The following DOK6 variants were observed in gnomAD, a reference collection of about 807,000 sequenced individuals.
The protein encoded by DOK6 is docking protein 6, also known as downstream of tyrosine kinase 6.
DOK6 carries 22 observed loss-of-function variants against 44.0 expected under a neutral mutation model. The ratio of observed to expected loss-of-function variants is 0.50; its 90% CI spans 0.36 to 0.71. The LOEUF (loss-of-function observed/expected upper bound fraction) is 0.71. Ranked by LOEUF, DOK6 falls within the 30% of genes least tolerant of loss-of-function variation. DOK6 has a pLI of 0.00. For synonymous variants in DOK6, 166 were observed against 145.5 expected, an observed-to-expected ratio of 1.14 and a Z score of -1.01; for missense variants, 340 against 416.4, an observed-to-expected ratio of 0.82 and a Z score of 1.60.
chr18:69,496,010 G>A (rs142366368), intron 1 of DOK6, among the ~76,000 whole-genome samples: 395 of 152,300 alleles, frequency 2.6e-3, no homozygotes, highest in African/African-American at 8.8e-3. Flanking sequence ...CTTGCGGGGG[G>A]AGATGCCTGA....
chr18:69,719,343 C>T (rs1448153377), intron 5 of DOK6, among the ~76,000 whole-genome samples: 1 of 152,164 alleles, frequency 6.6e-6, no homozygotes, highest in African/African-American at 2.4e-5. Context: ...GAGCAAGTTC[C>T]TTGGTATGAG....
chr18:69,609,372 CA>C (rs1984080404), intron 3 of DOK6, among the ~76,000 whole-genome samples: 1 of 151,954 alleles, frequency 6.6e-6, no homozygotes, highest in Non-Finnish European at 1.5e-5. Context: ...TGCAGATGGT[CA>C]ACAGGTGTAT....
chr18:69,553,799 C>A (rs529886808), intron 1 of DOK6, among the ~76,000 whole-genome samples: 1 of 152,294 alleles, frequency 6.6e-6, no homozygotes, highest in East Asian at 1.9e-4. Context: ...GATGTTGGGG[C>A]TCCTTAGAAA....
chr18:69,492,398 A>G (rs1266236743), intron 1 of DOK6, among the ~76,000 whole-genome samples: 1 of 151,922 alleles, frequency 6.6e-6, no homozygotes, highest in African/African-American at 2.4e-5. Context: ...AATTTATTTT[A>G]TTTTATCTTA....
chr18:69,564,684 C>CA lies in DOK6; in HGVS notation c.174+95dup. On this transcript the variant is annotated intron_variant, in intron 2 of 7. Transcript: ENST00000382713. ...CTTTGATAAATGAAATCTTCAGTGG[C>CA]AAAAATTAATGGCTTGGGAAAAATG... The CA allele has an allele frequency of 4.0e-6, 4 of 1,008,392 alleles. No homozygotes were observed. In the East Asian group the frequency reaches 1.1e-4, roughly 28 times the overall value. 62.5% of individuals were successfully genotyped at this position (1,008,392 alleles called of 1,614,324 possible). A position where few individuals can be genotyped will look rare whatever the true frequency, so the allele number is the denominator to read the frequency against.
chr18:69,763,668 T>C (rs1439127484), intron 7 of DOK6, among the ~76,000 whole-genome samples: 3 of 152,046 alleles, frequency 2.0e-5, no homozygotes, highest in Non-Finnish European at 2.9e-5. Context: ...AACAAGGAAA[T>C]CAGATTACTG....
At chr18:69,747,593 G>GCCCCCCCCCCCC (rs1356674601) in intron 6 of DOK6, among the ~76,000 whole-genome samples, 1 of 148,276 alleles carries the variant, frequency 6.7e-6, no homozygotes, top group South Asian at 2.2e-4. Context: ...TTTCCGCTCC[G>GCCCCCCCCCCCC]CCCCCTCCCC....
At chr18:69,664,232 T>C (rs1481604607) in intron 3 of DOK6, among the ~76,000 whole-genome samples, 1 of 152,236 alleles carries the variant, frequency 6.6e-6, no homozygotes, top group African/African-American at 2.4e-5. Context: ...TCATCATTAC[T>C]CAGAAATCAT....
intron 7 of DOK6, among the ~76,000 whole-genome samples, chr18:69,818,761 G>C (rs144860960): frequency 0.014 from 2,111 of 152,276 alleles, 40 homozygotes; most frequent in African/African-American, 0.048. Flanking sequence ...AAGGCTACCA[G>C]GCCCCAGGCC....
intron 6 of DOK6, among the ~76,000 whole-genome samples, chr18:69,742,458 T>G (rs1261684463): frequency 6.6e-6 from 1 of 151,380 alleles, no homozygotes; most frequent in African/African-American, 2.4e-5. Flanking sequence ...TTATCAACAT[T>G]GTGAGAAAAC....
intron 7 of DOK6, among the ~76,000 whole-genome samples, chr18:69,768,948 G>GGTGTGT (rs1341229658): frequency 2.4e-3 from 92 of 37,704 alleles, no homozygotes; most frequent in South Asian, 6.3e-3. Flanking sequence ...AGATTTGAAG[G>GGTGTGT]GTGTGCGTGT....
chr18:69,671,480 G>T (rs966280109), intron 3 of DOK6, among the ~76,000 whole-genome samples: 3 of 152,114 alleles, frequency 2.0e-5, no homozygotes, highest in Non-Finnish European at 4.4e-5. Context: ...ATCAAGTGCT[G>T]ATCACAAATA....
chr18:69,576,845 T>G (rs1049154624), intron 2 of DOK6, among the ~76,000 whole-genome samples: 1 of 152,192 alleles, frequency 6.6e-6, no homozygotes, highest in Non-Finnish European at 1.5e-5. Flanking sequence ...TAAATTTTCC[T>G]TAATTTTCTA....
At chr18:69,828,855 TC>T (rs1207712806) in intron 7 of DOK6, among the ~76,000 whole-genome samples, 1 of 145,086 alleles carries the variant, frequency 6.9e-6, no homozygotes, top group Admixed American at 6.9e-5. Flanking sequence ...GAGATGAAAG[TC>T]CCATTATTAA....
chr18:69,645,887 C>T (rs1033538525), intron 3 of DOK6, among the ~76,000 whole-genome samples: 4 of 152,116 alleles, frequency 2.6e-5, no homozygotes, highest in African/African-American at 9.7e-5. Flanking sequence ...TTTAAAGACC[C>T]TTAATAATTC....
At chr18:69,512,282 A>C (rs1981388653) in intron 1 of DOK6, among the ~76,000 whole-genome samples, 1 of 150,162 alleles carries the variant, frequency 6.7e-6, no homozygotes, top group South Asian at 2.1e-4. Context: ...TACTTTATTC[A>C]AATGTTGGCA....
rs574611726 is a variant in DOK6, at chr18:69,513,419, C to T, written c.67-51068C>T. On this transcript the variant is annotated intron_variant, in intron 1 of 7. Transcript: ENST00000382713. Reference sequence around the variant, plus strand: ...ACTCTCTCTCAGAGTACAATCTACCCTAATACATCTTGCCATACTTTGCTT... The same window carrying T: ...ACTCTCTCTCAGAGTACAATCTACCTTAATACATCTTGCCATACTTTGCTT... Among the ~76,000 whole-genome samples the T allele has an allele frequency of 4.1e-4, 62 of 152,332 alleles. 1 individual carries two copies. The South Asian group carries it at 0.012, about 30-fold the overall frequency.
At chr18:69,549,517 A>G (rs772888807) in intron 1 of DOK6, among the ~76,000 whole-genome samples, 2 of 151,518 alleles carry the variant, frequency 1.3e-5, no homozygotes, top group Non-Finnish European at 3.0e-5. Context: ...ATAATCCATT[A>G]CCCCATTTGT....
intron 2 of DOK6, among the ~76,000 whole-genome samples, chr18:69,590,249 G>T (rs1983593252): frequency 6.6e-6 from 1 of 152,082 alleles, no homozygotes; most frequent in African/African-American, 2.4e-5. Context: ...ACTGTGTCCT[G>T]CATAAGAACA....
Sources: gnomAD v4.1 joint callset for allele counts (sites outside exome capture counted in the v4.1 genomes callset) on GRCh38, gnomAD v4.1.1 for gene constraint, MANE v1.5 for transcripts, NCBI Gene and HGNC (gene_info 2026-07-23, HGNC 2026-07-21) for gene names.